Variants in MPHOSPH8 observed in about 807,000 individuals in gnomAD.
MPHOSPH8 encodes M-phase phosphoprotein, mpp.
MPHOSPH8 carries 45 observed loss-of-function variants against 87.3 expected under a neutral mutation model. That is an observed-to-expected ratio of 0.52 (90% confidence interval 0.41 to 0.66). The LOEUF (loss-of-function observed/expected upper bound fraction) is 0.66. Ranked by LOEUF, MPHOSPH8 falls within the 30% of genes least tolerant of loss-of-function variation. The pLI is 0.00. For missense variants in MPHOSPH8, 883 were observed against 1,020.2 expected (o/e 0.87, Z 1.83); for synonymous variants, 366 against 376.9 (o/e 0.97, Z 0.33).
At chr13:19,666,761 G>C (rs1213259669) in intron 10 of MPHOSPH8, among the ~76,000 whole-genome samples, 182 bp downstream of exon 10, 4 of 152,204 alleles carry the variant, frequency 2.6e-5, no homozygotes, top group Non-Finnish European at 5.9e-5. Flanking sequence ...TTTTCTGCAA[G>C]TTATTTAACT....
Position 19,671,857 on chromosome 13 carries a change from C to T in MPHOSPH8, c.2565C>T (p.Tyr855=). The T allele has an allele frequency of 1.9e-6, 3 of 1,614,106 alleles. No individual in the cohort carries two copies. Among genetic ancestry groups the T allele is most frequent in the Non-Finnish European group, 2.5e-6 (3 of 1,179,972 alleles). The change falls in exon 14 of 14, where the codon TAC becomes TAT. Residue 855 remains tyrosine (Y), a synonymous_variant. Coordinates refer to ENST00000361479, the MANE Select transcript of MPHOSPH8 (RefSeq NM_017520.4). ...AGGTTAAGTTGCTAATAGGTGCATACAGAGTGCAGCTGCAGTGACCAAACA... is the reference window on the plus strand; with the variant it reads ...AGGTTAAGTTGCTAATAGGTGCATATAGAGTGCAGCTGCAGTGACCAAACA... The part of the protein sequence containing the change: ...SAKVKLLIGA[Y]RVQLQ
chr13:19,642,040 G>GCT, intron 1 of MPHOSPH8, 75 bp from the exon 2 acceptor site: 3 of 555,296 alleles, frequency 5.4e-6, no homozygotes, highest in Non-Finnish European at 7.5e-6. Flanking sequence ...CTTCTCATCA[G>GCT]TTTTTTTTTT....
At chr13:19,641,637 C>T (rs925445792) in intron 1 of MPHOSPH8, among the ~76,000 whole-genome samples, 50 of 151,804 alleles carry the variant, frequency 3.3e-4, no homozygotes, top group Admixed American at 2.4e-3. Context: ...GGATTACAGG[C>T]GCCCACCACC....
intron 5 of MPHOSPH8, among the ~76,000 whole-genome samples, chr13:19,656,339 C>G (rs949586644): frequency 2.1e-5 from 3 of 142,622 alleles, no homozygotes; most frequent in Admixed American, 1.4e-4. Flanking sequence ...CTAAAATCTA[C>G]AAATAAATTA....
At chr13:19,634,682 G>C (rs1320467478) in intron 1 of MPHOSPH8, among the ~76,000 whole-genome samples, 1 of 152,106 alleles carries the variant, frequency 6.6e-6, no homozygotes, top group Non-Finnish European at 1.5e-5. Flanking sequence ...TCTCATCTCT[G>C]CTCTTTTTAC....
rs1405946999 is a variant in MPHOSPH8, at chr13:19,670,247, CTGCTGTTTATCTT to C, written c.2342_2354del (p.Leu781ProfsTer23). 6.2e-7 allele frequency: 1 copy of C among 1,614,154 alleles called. No individual in the cohort carries two copies. The highest frequency in any genetic ancestry group is 2.2e-5 in the East Asian group (1 of 44,884). On this transcript the variant is annotated frameshift_variant, in exon 12 of 14. Transcript: ENST00000361479. LOFTEE classifies it high-confidence loss of function. ...TCTCCCATTTTCAGGCTCTGGCATCCTGCTGTTTATCTTCCATGCAAACTTTTTGGGTAAAGAA... is the reference window on the plus strand; with the variant it reads ...TCTCCCATTTTCAGGCTCTGGCATCCCCATGCAAACTTTTTGGGTAAAGAA...
intron 1 of MPHOSPH8, among the ~76,000 whole-genome samples, chr13:19,638,518 C>T (rs1455710700): frequency 3.3e-5 from 5 of 151,074 alleles, no homozygotes; most frequent in Admixed American, 2.0e-4. Context: ...GAGGCTGAGG[C>T]AGGGGAATCA....
chr13:19,660,195 C>G (rs1875449889), intron 7 of MPHOSPH8, among the ~76,000 whole-genome samples: 1 of 151,406 alleles, frequency 6.6e-6, no homozygotes, highest in South Asian at 2.1e-4. Flanking sequence ...GTCTCGATCT[C>G]CTGACCTTGT....
rs1722284223 is a variant in MPHOSPH8, at chr13:19,661,639, G to A, written c.1792-59G>A. ...TGAAACATCTCGAGTGAGAAGACTT[G>A]GTTCTGAAATTGTTCTGACTAAAGA... On this transcript the variant is annotated intron_variant, in intron 7 of 13. Coordinates refer to ENST00000361479, the MANE Select transcript of MPHOSPH8 (RefSeq NM_017520.4). 8.0e-6 allele frequency: 12 copies of A among 1,495,626 alleles called. 2 individuals are homozygous for A. In the South Asian group the frequency reaches 1.4e-4, roughly 18 times the overall value. The allele number at this position is 1,495,626 out of a possible 1,614,324, so 92.6% of individuals were successfully genotyped here.
At chr13:19,666,218 CCT>C (rs754559397) in intron 9 of MPHOSPH8, among the ~76,000 whole-genome samples, 3 of 152,182 alleles carry the variant, frequency 2.0e-5, no homozygotes, top group Admixed American at 6.5e-5. Context: ...TATGTTGGCC[CCT>C]GAGTCAAAGA....
At chr13:19,671,772 T>C in intron 13 of MPHOSPH8, 62 bp from the exon 14 acceptor site, 1 of 1,543,042 alleles carries the variant, frequency 6.5e-7, no homozygotes, top group Non-Finnish European at 8.9e-7. Context: ...TTGTGGGTTT[T>C]TTCTTGTAAG....
At chr13:19,642,578 C>T (rs1414648352) in intron 2 of MPHOSPH8, among the ~76,000 whole-genome samples, 1 of 152,002 alleles carries the variant, frequency 6.6e-6, no homozygotes, top group Non-Finnish European at 1.5e-5. Context: ...ATTTGTTCGT[C>T]CGTGACATGA....
rs577188551 is a variant in MPHOSPH8 at position 19,662,923 on chromosome 13, A to G, written c.1933-117A>G. ...CCCCACGGGAATGCTGCAGCCCGCA[A>G]CCACTTGTGATAGAACCTGCTGGGT... is the stretch of plus-strand genomic sequence containing the variant. On this transcript the variant is annotated intron_variant, in intron 8 of 13. Transcript: ENST00000361479. 6 of 868,564 alleles carry G rather than the reference A, an allele frequency of 6.9e-6. No individual in the cohort carries two copies. In the East Asian group the frequency reaches 1.0e-4, roughly 15 times the overall value. 53.8% of individuals were successfully genotyped at this position (868,564 alleles called of 1,614,324 possible).
intron 5 of MPHOSPH8, among the ~76,000 whole-genome samples, chr13:19,654,861 T>C (rs1875063287): frequency 6.6e-6 from 1 of 151,954 alleles, no homozygotes. Flanking sequence ...GGCAGGAGAA[T>C]CGCTTGAACC....
Position 19,633,673 on chromosome 13 carries a change from C to G in MPHOSPH8, c.-76C>G. On this transcript the variant is annotated 5_prime_UTR_variant, in exon 1 of 14. Coordinates refer to ENST00000361479, the MANE Select transcript of MPHOSPH8 (RefSeq NM_017520.4). ...GTTACGCCGCTGATGTGGAGTAGGG[C>G]CGAGCGCGGAACGCGAGGGGCTGCT... The G allele has an allele frequency of 6.7e-7, 1 of 1,491,512 alleles. No individual in the cohort carries two copies. The highest frequency in any genetic ancestry group is 9.1e-7 in the Non-Finnish European group (1 of 1,094,580). 92.4% of individuals were successfully genotyped at this position (1,491,512 alleles called of 1,614,324 possible).
intron 11 of MPHOSPH8, 46 bp downstream of exon 11, chr13:19,668,577 C>G (rs747066958): frequency 2.6e-6 from 4 of 1,539,428 alleles, no homozygotes; most frequent in Non-Finnish European, 2.6e-6. Context: ...AAGTGTGACA[C>G]TATATTAACA....
chr13:19,657,584 A>G (rs1875264042), intron 5 of MPHOSPH8, among the ~76,000 whole-genome samples: 1 of 151,972 alleles, frequency 6.6e-6, no homozygotes, highest in Non-Finnish European at 1.5e-5. Context: ...AAAGAAAAGA[A>G]AATCAAGCAT....
chr13:19,668,585 A>G, intron 11 of MPHOSPH8, 54 bp downstream of exon 11: 2 of 1,516,742 alleles, frequency 1.3e-6, no homozygotes, highest in South Asian at 2.4e-5. Flanking sequence ...CACTATATTA[A>G]CAGATTTTTA....
At position 19,646,496 on chromosome 13, in the gene MPHOSPH8, A is replaced by G; in HGVS notation, c.423A>G (p.Gln141=). 1.3e-6 allele frequency: 2 copies of G among 1,565,192 alleles called. No homozygotes were observed. Among genetic ancestry groups the G allele is most frequent in the Non-Finnish European group, 1.7e-6 (2 of 1,166,930 alleles). Residue 141 remains glutamine (Q), a synonymous_variant, in exon 3 of 14, where the codon CAA becomes CAG. Coordinates refer to ENST00000361479, the MANE Select transcript of MPHOSPH8 (RefSeq NM_017520.4). The part of the protein sequence containing the change: ...IFEANSDSDQ[Q]SETKEDTSPK... Reference sequence around the variant, plus strand: ...AGGCGAACTCTGATAGCGATCAGCAAAGTGAGACAAAAGAAGATACTTCCC... The same window carrying G: ...AGGCGAACTCTGATAGCGATCAGCAGAGTGAGACAAAAGAAGATACTTCCC...
Sources: allele counts gnomAD v4.1 joint callset (sites outside exome capture counted in the v4.1 genomes callset), GRCh38; gene constraint gnomAD v4.1.1; transcripts MANE v1.5; gene names NCBI Gene and HGNC (gene_info 2026-07-23, HGNC 2026-07-21).